The following PIK3C2B variants were observed in gnomAD, a reference collection of about 807,000 sequenced individuals.
PIK3C2B encodes phosphatidylinositol-4-phosphate 3-kinase catalytic subunit type 2 beta, also known as phosphatidylinositol 4-phosphate 3-kinase C2 domain-containing subunit beta.
A neutral mutation model predicts 184.3 loss-of-function variants in PIK3C2B; 83 were observed. That is an observed-to-expected ratio of 0.45 (90% CI 0.38 to 0.54). PIK3C2B has a LOEUF of 0.54. Among genes scored for constraint, PIK3C2B ranks in the 20% least tolerant of loss-of-function variants. The pLI, the probability that PIK3C2B is intolerant of heterozygous loss-of-function variation, is 0.00. For synonymous variants in PIK3C2B, 779 were observed against 837.6 expected (o/e 0.93, Z 1.21); for missense variants, 1,736 against 2,113.5 (o/e 0.82, Z 3.50).
Position 204,443,450 on chromosome 1 carries a change from C to A in PIK3C2B, c.3015G>T (p.Gln1005His). The A allele has an allele frequency of 6.2e-7, 1 of 1,614,196 alleles. No homozygotes were observed. The highest frequency in any genetic ancestry group is 8.5e-7 in the Non-Finnish European group (1 of 1,180,052). The change falls in exon 19 of 33, where the codon CAG (glutamine) becomes CAT (histidine). Residue 1005 changes from glutamine (Q) to histidine (H), a missense_variant. This residue lies in a region of PIK3C2B where 289 missense variants were observed against 380.4 expected (regional missense o/e 0.76). Transcript: ENST00000684373. ...CAGATGGGGCTGCCTCCCGGACCTG[C>A]TGGGCCAGTTTGGCCAGGGCATTGA... ...WLVNALAKLAQQVREAAPSAR... is the reference protein window; with the variant it reads ...WLVNALAKLAHQVREAAPSAR...
chr1:204,472,744 C>T (rs995068376), intron 1 of PIK3C2B, among the ~76,000 whole-genome samples: 6 of 152,110 alleles, frequency 3.9e-5, no homozygotes, highest in African/African-American at 1.4e-4. Context: ...TGCATCATTT[C>T]ACTCCAGCTT....
rs750793963 is a variant in PIK3C2B at position 204,469,070 on chromosome 1, C to T, written c.733G>A (p.Asp245Asn). ...ITRLNLKSTY[D>N]AEMLRDATRG... Reference sequence around the variant, plus strand: ...GTGGCATCCCGCAACATCTCCGCATCATAGGTCGATTTCAAGTTGAGCCTA... The same window carrying T: ...GTGGCATCCCGCAACATCTCCGCATTATAGGTCGATTTCAAGTTGAGCCTA... The change falls in exon 2 of 33, where the codon GAT becomes AAT. Residue 245 changes from aspartate to asparagine, a missense_variant. Around this residue, in one of 8 missense-constraint regions of PIK3C2B, gnomAD observed 404 missense variants for 418.0 expected, o/e 0.97. Coordinates refer to ENST00000684373, the MANE Select transcript of PIK3C2B (RefSeq NM_001377334.1). 1 of 1,614,188 alleles carries T rather than the reference C, an allele frequency of 6.2e-7. No individual in the cohort carries two copies. Among genetic ancestry groups the T allele is most frequent in the Non-Finnish European group, 8.5e-7 (1 of 1,180,038 alleles).
Position 204,433,662 on chromosome 1 carries a change from G to C in PIK3C2B, c.3843+131C>G. The C allele has an allele frequency of 1.1e-6, 1 of 908,680 alleles. No homozygotes were observed. The allele number at this position is 908,680 out of a possible 1,614,324, so 56.3% of individuals were successfully genotyped here. A position where few individuals can be genotyped will look rare whatever the true frequency, so the allele number is the denominator to read the frequency against. On this transcript the variant is annotated intron_variant, in intron 25 of 32. Transcript: ENST00000684373. This position sits in a 1 kb window ranked among gnomAD's most constrained non-coding sequence, Gnocchi z 5.0. ...TAGTCTGGGTCCCTGCCTTTATCTA[G>C]GGCAGGCAGGTATTCAGTTGGGGCT...
chr1:204,433,369 G>A lies in PIK3C2B; in HGVS notation c.3900C>T (p.Tyr1300=), dbSNP rs371969624. Residue 1300 remains tyrosine, a synonymous_variant, in exon 26 of 33, where the codon TAC becomes TAT. Coordinates refer to ENST00000684373, the MANE Select transcript of PIK3C2B (RefSeq NM_001377334.1). This position sits in a 1 kb window ranked among gnomAD's most constrained non-coding sequence, Gnocchi z 5.0. ...CTGTATCCTGAGGCCTCAGGGCATC[G>A]TACACATACTTGAGGTCCTCCAGGT... ...LSDLEDLKYV[Y]DALRPQDTEA... The A allele has an allele frequency of 7.0e-5, 113 of 1,612,082 alleles. No homozygotes were observed. The highest frequency in any genetic ancestry group is 9.1e-5 in the Non-Finnish European group (107 of 1,178,242).
chr1:204,438,152 A>T (rs928707630), intron 23 of PIK3C2B, among the ~76,000 whole-genome samples: 1 of 152,178 alleles, frequency 6.6e-6, no homozygotes, highest in Non-Finnish European at 1.5e-5. Context: ...GATCAATATA[A>T]ATCAGTATTT....
In PIK3C2B at chr1:204,445,976, G is replaced by A; in HGVS notation, c.2658C>T (p.Ala886=). 6.5e-7 allele frequency: 1 copy of A among 1,548,364 alleles called. No individual in the cohort carries two copies. Among genetic ancestry groups the A allele is most frequent in the Non-Finnish European group, 8.8e-7 (1 of 1,140,936 alleles). The change falls in exon 16 of 33, where the codon GCC becomes GCT. Residue 886 remains alanine, a synonymous_variant. Transcript: ENST00000684373. ...CTCACGTGGCATGCAGGAGCCCCAGGGCATCCTGGTGGTTCATGTGGGTCC... is the reference window on the plus strand; with the variant it reads ...CTCACGTGGCATGCAGGAGCCCCAGAGCATCCTGGTGGTTCATGTGGGTCC... ...KQWTHMNHQD[A]LGLLHATFPD... is the part of the protein sequence containing the mutation.
intron 29 of PIK3C2B, among the ~76,000 whole-genome samples, chr1:204,429,719 T>C (rs1480206748): frequency 2.6e-5 from 4 of 152,206 alleles, no homozygotes; most frequent in East Asian, 1.9e-4. Flanking sequence ...TTCTGTTTAA[T>C]TGCATTTCTG....
intron 1 of PIK3C2B, among the ~76,000 whole-genome samples, chr1:204,491,386 C>T (rs1164919086): frequency 1.4e-5 from 2 of 137,992 alleles, no homozygotes; most frequent in Admixed American, 1.5e-4. Context: ...GAGACTCTGT[C>T]TCAAAAAAAA....
intron 29 of PIK3C2B, among the ~76,000 whole-genome samples, chr1:204,429,215 A>G (rs1674908781): frequency 6.6e-6 from 1 of 152,220 alleles, no homozygotes; most frequent in Non-Finnish European, 1.5e-5. Flanking sequence ...ATGACAGGGC[A>G]AGATCCTGTC....
chr1:204,443,322 G>A (rs745763254), intron 19 of PIK3C2B, 95 bp downstream of exon 19: 39 of 1,261,482 alleles, frequency 3.1e-5, no homozygotes, highest in Admixed American at 9.2e-5. Flanking sequence ...ATCAAAAATC[G>A]TCACGTGGAA....
At chr1:204,482,038 G>A (rs1657194814) in intron 1 of PIK3C2B, among the ~76,000 whole-genome samples, 1 of 151,084 alleles carries the variant, frequency 6.6e-6, no homozygotes, top group South Asian at 2.1e-4. Context: ...AAGGAGGGGA[G>A]CACCCAACCC....
chr1:204,432,791 C>T (rs1232341469), intron 26 of PIK3C2B, among the ~76,000 whole-genome samples: 1 of 152,122 alleles, frequency 6.6e-6, no homozygotes, highest in African/African-American at 2.4e-5. Context: ...TGTTAGGAGA[C>T]CTAACAGAGA....
In PIK3C2B at chr1:204,454,808, G is replaced by T; in HGVS notation, c.1944-17C>A. The T allele has an allele frequency of 6.2e-7, 1 of 1,606,838 alleles. No homozygotes were observed. ...TCTTCATAGCTATAAAAGAAAGGGA[G>T]CAGGTCAGGACACCCAGCTCCCAAA... is the stretch of plus-strand genomic sequence containing the variant. On this transcript the variant is annotated splice_polypyrimidine_tract_variant and intron_variant, in intron 11 of 32. Transcript: ENST00000684373.
intron 16 of PIK3C2B, among the ~76,000 whole-genome samples, chr1:204,444,691 G>A (rs550639625): frequency 2.9e-4 from 44 of 152,276 alleles, no homozygotes; most frequent in African/African-American, 1.0e-3. Flanking sequence ...TAAAGAAAAT[G>A]GGACAAAGTC....
At chr1:204,460,700 G>A (rs754944300) in intron 5 of PIK3C2B, 39 bp from the exon 6 acceptor site, 6 of 1,292,956 alleles carry the variant, frequency 4.6e-6, no homozygotes, top group Non-Finnish European at 4.5e-6. Context: ...GCATCCTGGG[G>A]ACTCAGTGGC....
intron 8 of PIK3C2B, among the ~76,000 whole-genome samples, chr1:204,458,373 T>C (rs1332904236): frequency 6.6e-6 from 1 of 152,130 alleles, no homozygotes; most frequent in Non-Finnish European, 1.5e-5. Context: ...CCAATCCCCT[T>C]CCTCTAGCAT....
In PIK3C2B at chr1:204,440,290, G is replaced by A. The variant is rs755979604; in HGVS notation, c.3281C>T (p.Thr1094Met). Residue 1094 changes from threonine to methionine, a missense_variant, in exon 22 of 33, where the codon ACG becomes ATG. By Grantham distance (81) the Thr-to-Met change is moderately conservative. Transcript: ENST00000684373. ...CGDDLRQDML[T>M]LQMIRIMSKI... ...GCTCATGATGCGAATCATCTGCAGC[G>A]TTAGCATGTCCTGGCGAAGGTCGTC... The A allele has an allele frequency of 8.1e-6, 13 of 1,606,584 alleles. 1 individual carries two copies. The highest frequency in any genetic ancestry group is 1.1e-5 in the South Asian group (1 of 90,428).
intron 1 of PIK3C2B, among the ~76,000 whole-genome samples, chr1:204,493,832 T>A (rs2102240406): frequency 6.6e-6 from 1 of 152,262 alleles, no homozygotes; most frequent in East Asian, 1.9e-4. Flanking sequence ...TCTTTCAAGC[T>A]TTCAGTCTCC....
At chr1:204,468,127 T>TA (rs1270207972) in intron 2 of PIK3C2B, among the ~76,000 whole-genome samples, 1 of 152,028 alleles carries the variant, frequency 6.6e-6, no homozygotes, top group African/African-American at 2.4e-5. Context: ...AGAGAATGAG[T>TA]AGAGATGAAT....
Sources: gnomAD v4.1 joint callset for allele counts (sites outside exome capture counted in the v4.1 genomes callset) on GRCh38, gnomAD v4.1.1 for gene constraint, gnomAD v4.1.1 regional missense constraint, Gnocchi (gnomAD v3.1) non-coding constraint, MANE v1.5 for transcripts, NCBI Gene and HGNC (gene_info 2026-07-23, HGNC 2026-07-21) for gene names.